Variants in PCDHA8 observed in about 807,000 individuals in gnomAD.
The protein encoded by PCDHA8 is protocadherin alpha-8.
Under a neutral mutation model 61.8 loss-of-function variants are expected in PCDHA8, and 53 were observed. The ratio of observed to expected loss-of-function variants is 0.86; its 90% confidence interval spans 0.69 to 1.08. The LOEUF (loss-of-function observed/expected upper bound fraction) is 1.08. Among genes scored for constraint, PCDHA8 ranks in the 50% least tolerant of loss-of-function variants. PCDHA8 has a pLI of 0.00. For missense variants in PCDHA8, 1,293 were observed against 1,245.0 expected, an observed-to-expected ratio of 1.04 and a Z score of -0.58; for synonymous variants, 618 against 556.6, an observed-to-expected ratio of 1.11 and a Z score of -1.55.
At chr5:140,865,351 A>G (rs1452149063) in intron 1 of PCDHA8, 4 of 152,204 alleles carry the variant, frequency 2.6e-5, no homozygotes, top group African/African-American at 7.2e-5. Context: ...GTATATTTAC[A>G]TATTGCAGGA....
intron 1 of PCDHA8, among the ~76,000 whole-genome samples, chr5:140,964,622 T>C (rs1435749865): frequency 2.0e-5 from 3 of 152,048 alleles, no homozygotes; most frequent in Non-Finnish European, 4.4e-5. Flanking sequence ...ATTCCACTTA[T>C]AAGCCATTTA....
chr5:140,876,261 A>G (rs2056242888), intron 1 of PCDHA8: 9 of 1,613,942 alleles, frequency 5.6e-6, no homozygotes, highest in Non-Finnish European at 7.6e-6. Context: ...GAGTGATCCA[A>G]CTAAATGCTT....
chr5:140,918,625 C>T (rs1365715302), intron 1 of PCDHA8, among the ~76,000 whole-genome samples: 2 of 152,086 alleles, frequency 1.3e-5, no homozygotes, highest in Non-Finnish European at 2.9e-5. Context: ...TTTGTGTTCC[C>T]CAAATTCATA....
At chr5:140,886,554 A>G (rs2061020893) in intron 1 of PCDHA8, among the ~76,000 whole-genome samples, 1 of 152,078 alleles carries the variant, frequency 6.6e-6, no homozygotes, top group South Asian at 2.1e-4. Flanking sequence ...CCAGCTGGGC[A>G]CGGTGGCTCA....
intron 2 of PCDHA8, among the ~76,000 whole-genome samples, chr5:140,981,648 C>T (rs1294806137): frequency 6.6e-6 from 1 of 152,020 alleles, no homozygotes; most frequent in Non-Finnish European, 1.5e-5. Context: ...TCTTAGGATC[C>T]CACTTATTTC....
Position 140,858,257 on chromosome 5 carries a change from C to CTG in PCDHA8, c.2394+14543_2394+14544dup, listed in dbSNP as rs1554151340. 2 of 1,596,552 alleles carry CTG rather than the reference C, an allele frequency of 1.3e-6. 1 individual carries two copies. Among genetic ancestry groups the CTG allele is most frequent in the African/African-American group, 2.7e-5 (2 of 74,280 alleles). ...CGCATGTGGGCCGGTGAAGCCCACGCTGGTGTGCTCTAGCGCGGTGGGGAG... is the reference window on the plus strand; with the variant it reads ...CGCATGTGGGCCGGTGAAGCCCACGCTGTGGTGTGCTCTAGCGCGGTGGGGAG... On this transcript the variant is annotated intron_variant, in intron 1 of 3. Coordinates refer to ENST00000531613, the MANE Select transcript of PCDHA8 (RefSeq NM_018911.3).
intron 1 of PCDHA8, among the ~76,000 whole-genome samples, chr5:140,855,693 A>G (rs2043577719): frequency 6.7e-6 from 1 of 149,800 alleles, no homozygotes; most frequent in African/African-American, 2.5e-5. Context: ...TTAAGAAAAC[A>G]TTGCACGTGG....
At chr5:140,895,143 A>C (rs115893558) in intron 1 of PCDHA8, among the ~76,000 whole-genome samples, 3,577 of 152,272 alleles carry the variant, frequency 0.023, 51 homozygotes, top group Middle Eastern at 0.034. Flanking sequence ...CATAGGGCTA[A>C]GACAGGTTTA....
At chr5:140,984,433 T>C (rs2097103477) in intron 3 of PCDHA8, among the ~76,000 whole-genome samples, 1 of 152,182 alleles carries the variant, frequency 6.6e-6, no homozygotes, top group East Asian at 1.9e-4. Flanking sequence ...GAAGGGGATC[T>C]CCCTTGTTCC....
At chr5:140,858,604 AT>A (rs2045515312) in intron 1 of PCDHA8, 6 of 1,276,538 alleles carry the variant, frequency 4.7e-6, no homozygotes, top group Non-Finnish European at 6.4e-6. Flanking sequence ...GAGTTTTAAA[AT>A]TTTTTTATCC....
In PCDHA8 at chr5:140,884,485, A is replaced by G. The variant is rs781880810; in HGVS notation, c.2394+40770A>G. 8 of 1,613,726 alleles carry G rather than the reference A, an allele frequency of 5.0e-6. No homozygotes were observed. The South Asian group carries it at 6.6e-5, about 13-fold the overall frequency. Reference sequence around the variant, plus strand: ...CGTGCGCGCCGGGCAAGCCCACTCTAGTGTGCTCCAGCGCGGCAGGGAGTT... The same window carrying G: ...CGTGCGCGCCGGGCAAGCCCACTCTGGTGTGCTCCAGCGCGGCAGGGAGTT... On this transcript the variant is annotated intron_variant, in intron 1 of 3. Transcript: ENST00000531613.
intron 3 of PCDHA8, among the ~76,000 whole-genome samples, chr5:140,994,778 G>A (rs1488910527): frequency 1.3e-5 from 2 of 152,152 alleles, no homozygotes; most frequent in Non-Finnish European, 2.9e-5. Flanking sequence ...TCCAGGCAAA[G>A]GAAACAATGC....
intron 1 of PCDHA8, chr5:140,850,857 G>C: frequency 6.3e-7 from 1 of 1,595,010 alleles, no homozygotes; most frequent in Non-Finnish European, 8.6e-7. Flanking sequence ...GCGAACGGGA[G>C]AACCCTCTGC....
chr5:140,869,189 G>T (rs1554162601), intron 1 of PCDHA8: 1 of 1,613,836 alleles, frequency 6.2e-7, no homozygotes, highest in African/African-American at 1.3e-5. Flanking sequence ...GTGGGGAGCG[G>T]CCAGCTCCAC....
chr5:140,962,288 A>G (rs1310558261), intron 1 of PCDHA8, among the ~76,000 whole-genome samples: 2 of 152,192 alleles, frequency 1.3e-5, no homozygotes, highest in African/African-American at 4.8e-5. Flanking sequence ...TCAACCTTTA[A>G]TATTCTATGA....
At chr5:140,877,522 G>T in intron 1 of PCDHA8, 1 of 1,613,798 alleles carries the variant, frequency 6.2e-7, no homozygotes, top group Non-Finnish European at 8.5e-7. Context: ...GCGGGCCTCA[G>T]TGGGCGCTGT....
Position 140,978,996 on chromosome 5 carries a change from A to T in PCDHA8, c.2442A>T (p.Ala814=), listed in dbSNP as rs2096831053. The change falls in exon 2 of 4, where the codon GCA becomes GCT. Residue 814 remains alanine, a synonymous_variant. Coordinates refer to ENST00000531613, the MANE Select transcript of PCDHA8 (RefSeq NM_018911.3). ...GGCGTTACTCTGCCTCCCTGAGAGC[A>T]GGCATGCACAGGTATGTATTTCCCT... ...PDWRYSASLR[A]GMHSSVHLEE... 1 of 1,614,186 alleles carries T rather than the reference A, an allele frequency of 6.2e-7. No individual in the cohort carries two copies.
chr5:140,885,049 A>T (rs1001120267), intron 1 of PCDHA8, among the ~76,000 whole-genome samples: 56 of 152,352 alleles, frequency 3.7e-4, no homozygotes, highest in African/African-American at 1.2e-3. Context: ...TTTAATGTAT[A>T]CATATACCCA....
At chr5:140,884,483 C>T (rs376374275) in intron 1 of PCDHA8, 3 of 1,613,862 alleles carry the variant, frequency 1.9e-6, no homozygotes, top group East Asian at 4.5e-5. Flanking sequence ...CAAGCCCACT[C>T]TAGTGTGCTC....
Sources: gnomAD v4.1 joint callset for allele counts (sites outside exome capture counted in the v4.1 genomes callset) on GRCh38, gnomAD v4.1.1 for gene constraint, MANE v1.5 for transcripts, NCBI Gene and HGNC (gene_info 2026-07-23, HGNC 2026-07-21) for gene names.